The following SCOC variants were observed in gnomAD, a reference collection of about 807,000 sequenced individuals.
SCOC encodes the protein short coiled-coil protein, also known as short coiled coil protein.
A neutral mutation model predicts 9.9 loss-of-function variants in SCOC; 7 were observed. That is an observed-to-expected ratio of 0.71 (90% CI 0.40 to 1.33). SCOC has a LOEUF of 1.33. Ranked by LOEUF, SCOC falls within the 40% of genes most tolerant of loss-of-function variation. The probability of loss-of-function intolerance (pLI) is 0.01; values close to 1 mark genes in which losing one functional copy is unlikely to be tolerated. For missense variants in SCOC, 66 were observed against 89.7 expected (o/e 0.74, Z 1.07); for synonymous variants, 19 against 28.2 (o/e 0.67, Z 1.03).
intron 1 of SCOC, among the ~76,000 whole-genome samples, chr4:140,300,203 A>T (rs572358461): frequency 6.6e-6 from 1 of 152,312 alleles, no homozygotes; most frequent in South Asian, 2.1e-4. Flanking sequence ...CCTCCCAGTG[A>T]TTAAAGCTTT....
At chr4:140,302,800 C>T (rs1316451162) in intron 1 of SCOC, among the ~76,000 whole-genome samples, 1 of 152,032 alleles carries the variant, frequency 6.6e-6, no homozygotes, top group Non-Finnish European at 1.5e-5. Flanking sequence ...AAGCCAGTAA[C>T]AAAAGTAGAC....
chr4:140,304,267 G>T (rs1279974513), intron 1 of SCOC, among the ~76,000 whole-genome samples: 1 of 152,128 alleles, frequency 6.6e-6, no homozygotes, highest in Non-Finnish European at 1.5e-5. Context: ...GGGTTTTGTT[G>T]TTGTTGTTTT....
chr4:140,280,431 G>A (rs1435880740), intron 1 of SCOC, among the ~76,000 whole-genome samples: 2 of 152,118 alleles, frequency 1.3e-5, no homozygotes, highest in African/African-American at 2.4e-5. Context: ...GCCTGGCCAT[G>A]TTGTGATTTT....
intron 1 of SCOC, chr4:140,291,354 C>A (rs555733190): frequency 4.4e-6 from 2 of 454,786 alleles, no homozygotes; most frequent in Non-Finnish European, 8.9e-6. Context: ...AAAGACTTCA[C>A]GTGGTGGCAG....
chr4:140,373,146 A>G, upstream of SCOC: 1 of 455,444 alleles, frequency 2.2e-6, no homozygotes, highest in Non-Finnish European at 3.1e-6. Flanking sequence ...AATAAGAAAA[A>G]TATGAAAAAG....
rs924914132 is a variant in SCOC at position 140,373,678 on chromosome 4, T to G, written c.-90T>G. ...GGTCCAAGTGTCCCGGCCTGAGGTG[T>G]CGGCCGGATCCCTCCTTCTCCCGGC... On this transcript the variant is annotated 5_prime_UTR_variant, in exon 1 of 4. Coordinates refer to ENST00000608372, the MANE Select transcript of SCOC (RefSeq NM_001153484.2). 1 of 1,550,684 alleles carries G rather than the reference T, an allele frequency of 6.4e-7. No homozygotes were observed. Among genetic ancestry groups the G allele is most frequent in the Non-Finnish European group, 8.7e-7 (1 of 1,146,928 alleles).
At chr4:140,327,237 C>T (rs976657527) in intron 1 of SCOC, among the ~76,000 whole-genome samples, 5 of 152,118 alleles carry the variant, frequency 3.3e-5, no homozygotes, top group Non-Finnish European at 5.9e-5. Context: ...GTTCGAAGAG[C>T]GAGGACTCTG....
chr4:140,375,679 C>T (rs1728314449), intron 1 of SCOC, among the ~76,000 whole-genome samples: 1 of 152,222 alleles, frequency 6.6e-6, no homozygotes, highest in Non-Finnish European at 1.5e-5. Flanking sequence ...ATGTTTGCCA[C>T]ATTTCCTGGT....
chr4:140,275,941 A>G (rs932224244), intron 1 of SCOC, among the ~76,000 whole-genome samples: 5 of 149,746 alleles, frequency 3.3e-5, no homozygotes, highest in Non-Finnish European at 7.4e-5. Context: ...CTTCTGCCTC[A>G]GCCTCCCGAG....
In SCOC at chr4:140,279,465, C is replaced by A. The variant is rs186463052; in HGVS notation, c.-19+22055C>A. ...GCACATGGCAGCCACTAGTCAACTG[C>A]TTGGAATTTTTTTAAAGAATTTGTT... On this transcript the variant is annotated intron_variant, in intron 1 of 4. Coordinates refer to the SCOC transcript ENST00000394205. Among the ~76,000 whole-genome samples the A allele has an allele frequency of 3.9e-5, 6 of 152,206 alleles. No individual in the cohort carries two copies. The East Asian group carries it at 1.2e-3, about 29-fold the overall frequency.
chr4:140,355,218 T>TATATATATGAA (rs1400926305), intron 2 of SCOC, among the ~76,000 whole-genome samples: 1 of 10,162 alleles, frequency 9.8e-5, no homozygotes, highest in African/African-American at 3.3e-4. Context: ...TTTTTATATA[T>TATATATATGAA]ATATATATAT....
At chr4:140,268,891 T>C (rs1158385388) in intron 1 of SCOC, among the ~76,000 whole-genome samples, 6 of 152,306 alleles carry the variant, frequency 3.9e-5, no homozygotes, top group African/African-American at 9.6e-5. Flanking sequence ...TTTTTCATAC[T>C]GTATAATGAA....
upstream of SCOC, among the ~76,000 whole-genome samples, chr4:140,339,248 T>C (rs1726403474): frequency 6.6e-6 from 1 of 152,134 alleles, no homozygotes; most frequent in Admixed American, 6.6e-5. Flanking sequence ...GCTAGCCATA[T>C]GTAGAAAGCT....
chr4:140,379,014 A>G, intron 1 of SCOC, 107 bp from the exon 2 acceptor site: 2 of 711,960 alleles, frequency 2.8e-6, no homozygotes, highest in Non-Finnish European at 5.1e-6. Context: ...AGTAAAGCAT[A>G]TGAAAAGTCC....
intron 1 of SCOC, among the ~76,000 whole-genome samples, chr4:140,334,359 T>C (rs1732897656): frequency 6.6e-6 from 1 of 152,200 alleles, no homozygotes; most frequent in South Asian, 2.1e-4. Context: ...TATCACTTTA[T>C]TGCCAAAGCT....
intron 1 of SCOC, among the ~76,000 whole-genome samples, chr4:140,300,321 C>T (rs1026804849): frequency 6.6e-6 from 1 of 152,198 alleles, no homozygotes; most frequent in African/African-American, 2.4e-5. Context: ...TCTCAGTCTG[C>T]CCTGCTCAGG....
At chr4:140,307,570 T>A (rs960885592) in intron 1 of SCOC, among the ~76,000 whole-genome samples, 1 of 152,198 alleles carries the variant, frequency 6.6e-6, no homozygotes, top group African/African-American at 2.4e-5. Context: ...TCCCTTTCCT[T>A]ACAAAGATCC....
chr4:140,351,644 TA>T (rs1036611463), intron 2 of SCOC, among the ~76,000 whole-genome samples: 1 of 151,982 alleles, frequency 6.6e-6, no homozygotes, highest in African/African-American at 2.4e-5. Context: ...ATGGAAAATG[TA>T]ACAATACCCC....
intron 1 of SCOC, among the ~76,000 whole-genome samples, chr4:140,283,338 C>T (rs998961686): frequency 6.6e-6 from 1 of 152,182 alleles, no homozygotes; most frequent in Non-Finnish European, 1.5e-5. Flanking sequence ...CCTCTCCCAG[C>T]GAGGGTATGA....
Sources: gnomAD v4.1 joint callset for allele counts (sites outside exome capture counted in the v4.1 genomes callset) on GRCh38, gnomAD v4.1.1 for gene constraint, MANE v1.5 for transcripts, NCBI Gene and HGNC (gene_info 2026-07-23, HGNC 2026-07-21) for gene names.